The following COL21A1 variants were observed in gnomAD, a reference collection of about 807,000 sequenced individuals.
COL21A1 encodes collagen alpha-1(XXI) chain.
A neutral mutation model predicts 137.9 loss-of-function variants in COL21A1; 149 were observed. The ratio of observed to expected loss-of-function variants is 1.08; its 90% CI spans 0.95 to 1.24. COL21A1 has a LOEUF of 1.24. COL21A1 is among the 50% of genes most tolerant of loss of function. The pLI is 0.00. For synonymous variants in COL21A1, 456 were observed against 391.5 expected (o/e 1.16, Z -1.95); for missense variants, 1,167 against 1,158.4 (o/e 1.01, Z -0.11).
In COL21A1 at chr6:56,343,803, C is replaced by T. The variant is rs369491440; in HGVS notation, c.-39+50168G>A. On this transcript the variant is annotated intron_variant, in intron 1 of 28. Coordinates refer to the COL21A1 transcript ENST00000370819. The stretch of plus-strand genomic sequence containing the variant: ...AAAAAAAATTTAAAAATTAGCCAGG[C>T]GTGGTGGCATGCACCTGTAGTCCCA... Among the ~76,000 whole-genome samples the T allele has an allele frequency of 9.9e-5, 15 of 152,160 alleles. No individual in the cohort carries two copies. The East Asian group carries it at 2.9e-3, about 29-fold the overall frequency.
chr6:56,296,874 T>G (rs912861118), intron 1 of COL21A1, among the ~76,000 whole-genome samples: 1 of 152,076 alleles, frequency 6.6e-6, no homozygotes, highest in Non-Finnish European at 1.5e-5. Context: ...TGCCACATTT[T>G]ATCAAAGATG....
Position 56,153,026 on chromosome 6 carries a change from T to A in COL21A1, c.1434+3861A>T, listed in dbSNP as rs78551692. Among the ~76,000 whole-genome samples, 5 of 152,230 alleles carry A rather than the reference T, an allele frequency of 3.3e-5. No individual in the cohort carries two copies. The South Asian group carries it at 1.0e-3, about 32-fold the overall frequency. ...CCTCAGGGAAGTATCTTCAGTGAGA[T>A]TAAAGAATTGCAGTGAGGAAATGCA... On this transcript the variant is annotated intron_variant, in intron 10 of 29. Transcript: ENST00000244728.
chr6:56,183,750 CA>C (rs1434721902), intron 1 of COL21A1, among the ~76,000 whole-genome samples: 1 of 151,842 alleles, frequency 6.6e-6, no homozygotes, highest in Non-Finnish European at 1.5e-5. Flanking sequence ...TCAGAAGTAG[CA>C]AAAAGTGTTT....
intron 1 of COL21A1, among the ~76,000 whole-genome samples, chr6:56,262,361 G>A (rs1562029756): frequency 6.6e-6 from 1 of 152,102 alleles, no homozygotes; most frequent in Non-Finnish European, 1.5e-5. Flanking sequence ...TCCATGGCAG[G>A]CACTGTTCTG....
chr6:56,214,080 G>A (rs1780343121), intron 1 of COL21A1, among the ~76,000 whole-genome samples: 1 of 152,048 alleles, frequency 6.6e-6, no homozygotes, highest in Non-Finnish European at 1.5e-5. Flanking sequence ...TAAGCTAAAT[G>A]TGAATATTTG....
chr6:56,231,069 G>A (rs2152318096), intron 1 of COL21A1: 1 of 151,894 alleles, frequency 6.6e-6, no homozygotes, highest in East Asian at 1.9e-4. Context: ...ACCTCACATG[G>A]TACAATCTTC....
At chr6:56,250,905 G>C (rs1315031030), upstream of COL21A1, among the ~76,000 whole-genome samples, 3 of 152,006 alleles carry the variant, frequency 2.0e-5, no homozygotes, top group Non-Finnish European at 4.4e-5. Context: ...TACAAACTAG[G>C]AAAAAGAATA....
At chr6:56,227,785 A>T (rs2152316189) in intron 1 of COL21A1, among the ~76,000 whole-genome samples, 1 of 152,182 alleles carries the variant, frequency 6.6e-6, no homozygotes, top group Non-Finnish European at 1.5e-5. Flanking sequence ...TATCAAATAT[A>T]TAACTACAAT....
chr6:56,200,575 T>C (rs1254241001), intron 1 of COL21A1, among the ~76,000 whole-genome samples: 1 of 151,306 alleles, frequency 6.6e-6, no homozygotes, highest in Non-Finnish European at 1.5e-5. Context: ...GTCCTTGTGA[T>C]AGTTTGCTGA....
At chr6:56,336,624 C>A (rs1445607384) in intron 1 of COL21A1, among the ~76,000 whole-genome samples, 5 of 152,148 alleles carry the variant, frequency 3.3e-5, no homozygotes, top group African/African-American at 1.2e-4. Flanking sequence ...CAGTGAATTA[C>A]TGAAGAACAC....
chr6:56,069,038 A>G lies in COL21A1; in HGVS notation c.2091+8T>C, dbSNP rs1271775453. 1 of 1,594,266 alleles carries G rather than the reference A, an allele frequency of 6.3e-7. No individual in the cohort carries two copies. Among genetic ancestry groups the G allele is most frequent in the East Asian group, 2.3e-5 (1 of 44,118 alleles). The stretch of plus-strand genomic sequence containing the variant: ...AAAAGCGAACTGTATCTCCTAACCA[A>G]TGCATACCTTTTTTCCTTGAATCCC... On this transcript the variant is annotated splice_region_variant and intron_variant, in intron 22 of 29. Coordinates refer to ENST00000244728, the MANE Select transcript of COL21A1 (RefSeq NM_030820.4).
intron 17 of COL21A1, among the ~76,000 whole-genome samples, chr6:56,094,488 A>G (rs1769145966): frequency 6.6e-6 from 1 of 152,114 alleles, no homozygotes; most frequent in South Asian, 2.1e-4. Context: ...TATGTCTACC[A>G]GTAGTCTGTT....
At chr6:56,064,902 A>G (rs1269149194) in intron 23 of COL21A1, among the ~76,000 whole-genome samples, 1 of 152,112 alleles carries the variant, frequency 6.6e-6, no homozygotes, top group Non-Finnish European at 1.5e-5. Flanking sequence ...TGTTCTTCTA[A>G]GTCCATATTA....
At chr6:56,204,133 G>T (rs1779591202) in intron 1 of COL21A1, among the ~76,000 whole-genome samples, 1 of 152,088 alleles carries the variant, frequency 6.6e-6, no homozygotes, top group African/African-American at 2.4e-5. Flanking sequence ...CAGCGAGACA[G>T]AATCGTTCAC....
At chr6:56,147,617 T>G (rs1774936417) in intron 10 of COL21A1, among the ~76,000 whole-genome samples, 1 of 152,080 alleles carries the variant, frequency 6.6e-6, no homozygotes, top group Non-Finnish European at 1.5e-5. Flanking sequence ...GACCAATTCT[T>G]TGAAGAATTT....
chr6:56,222,637 C>T (rs74700290), intron 1 of COL21A1, among the ~76,000 whole-genome samples: 2,190 of 152,038 alleles, frequency 0.014, 30 homozygotes, highest in Middle Eastern at 0.037. Context: ...AGGAGAGTAT[C>T]AAAAGAAAAT....
At chr6:56,269,194 A>G (rs1344573798) in intron 1 of COL21A1, among the ~76,000 whole-genome samples, 1 of 152,240 alleles carries the variant, frequency 6.6e-6, no homozygotes, top group African/African-American at 2.4e-5. Flanking sequence ...ATTTGAGGAC[A>G]TAGTCCACAA....
intron 1 of COL21A1, among the ~76,000 whole-genome samples, chr6:56,206,438 T>C (rs1022670294): frequency 1.3e-5 from 2 of 151,938 alleles, no homozygotes; most frequent in African/African-American, 2.4e-5. Flanking sequence ...TAAGAAGGGC[T>C]AACTGCCCTA....
At chr6:56,078,320 C>CA (rs1231365951) in intron 17 of COL21A1, 1 of 435,142 alleles carries the variant, frequency 2.3e-6, no homozygotes, top group East Asian at 7.1e-5. Context: ...ATTTATCATG[C>CA]AAAACAGTGA....
Sources: allele counts gnomAD v4.1 joint callset (sites outside exome capture counted in the v4.1 genomes callset), GRCh38; gene constraint gnomAD v4.1.1; transcripts MANE v1.5; gene names NCBI Gene and HGNC (gene_info 2026-07-23, HGNC 2026-07-21).